Variants in NFIB observed in about 807,000 individuals in gnomAD.
NFIB encodes the protein nuclear factor I B.
A neutral mutation model predicts 61.5 loss-of-function variants in NFIB; 11 were observed. The ratio of observed to expected loss-of-function variants is 0.18; its 90% CI spans 0.11 to 0.30. The LOEUF (loss-of-function observed/expected upper bound fraction) is 0.30. NFIB is among the 10% of genes least tolerant of loss of function. The pLI is 1.00. For missense variants in NFIB, 471 were observed against 608.9 expected, an observed-to-expected ratio of 0.77 and a Z score of 2.38; for synonymous variants, 260 against 216.5, an observed-to-expected ratio of 1.20 and a Z score of -1.76.
At chr9:14,499,189 C>T in the NFIB span, among the ~76,000 whole-genome samples, 1 of 152,100 alleles carries the variant, frequency 6.6e-6, no homozygotes, top group South Asian at 2.1e-4. Flanking sequence ...TCTAGTGAGC[C>T]ATCTACATGA....
chr9:14,439,688 G>A, the NFIB span, among the ~76,000 whole-genome samples: 3 of 152,126 alleles, frequency 2.0e-5, no homozygotes, highest in Non-Finnish European at 4.4e-5. Context: ...TATGAGAAGT[G>A]GTCAGGGCCA....
Position 14,313,537 on chromosome 9 carries a change from G to T in NFIB, c.-26C>A. The stretch of plus-strand genomic sequence containing the variant: ...GACTTCGCCTTAAAACGCACTTTCC[G>T]GGAGATGCCCAAGAAAATCTTCGAG... On this transcript the variant is annotated 5_prime_UTR_variant, in exon 1 of 11. Transcript: ENST00000380953. The surrounding 1 kb of genome is among the most constrained non-coding windows in gnomAD (Gnocchi z 4.5). 6.2e-7 allele frequency: 1 copy of T among 1,613,228 alleles called. No homozygotes were observed. Among genetic ancestry groups the T allele is most frequent in the Non-Finnish European group, 8.5e-7 (1 of 1,179,646 alleles).
intron 2 of NFIB, among the ~76,000 whole-genome samples, chr9:14,245,075 G>C (rs939368085): frequency 6.6e-6 from 1 of 152,088 alleles, no homozygotes; most frequent in African/African-American, 2.4e-5. Context: ...AAAGGTTTGG[G>C]ATAACAACAG....
intron 1 of NFIB, among the ~76,000 whole-genome samples, chr9:14,364,841 G>T (rs1261675216): frequency 3.3e-5 from 5 of 152,160 alleles, no homozygotes; most frequent in Non-Finnish European, 7.4e-5. Context: ...ATCAAACTCT[G>T]CTCCACATAA....
At chr9:14,133,997 C>G (rs577296125) in intron 6 of NFIB, among the ~76,000 whole-genome samples, 1 of 152,290 alleles carries the variant, frequency 6.6e-6, no homozygotes, top group South Asian at 2.1e-4. Flanking sequence ...ACAATACCCT[C>G]TCAATTTCTC....
At chr9:14,135,608 T>C (rs1467259859) in intron 6 of NFIB, among the ~76,000 whole-genome samples, 1 of 152,250 alleles carries the variant, frequency 6.6e-6, no homozygotes, top group Non-Finnish European at 1.5e-5. Context: ...CCCACTACAG[T>C]AGTTTGATGA....
chr9:14,175,709 G>A (rs1298884612), intron 3 of NFIB, among the ~76,000 whole-genome samples: 1 of 152,088 alleles, frequency 6.6e-6, no homozygotes, highest in South Asian at 2.1e-4. Flanking sequence ...CCTACAAAAA[G>A]GAAAGTAGCA....
the NFIB span, among the ~76,000 whole-genome samples, chr9:14,479,844 A>C: frequency 6.6e-6 from 1 of 152,122 alleles, no homozygotes; most frequent in African/African-American, 2.4e-5. Context: ...AAACAAACAA[A>C]CCAACAAAAC....
At chr9:14,463,961 C>A in the NFIB span, among the ~76,000 whole-genome samples, 5 of 152,184 alleles carry the variant, frequency 3.3e-5, no homozygotes, top group African/African-American at 1.2e-4. Flanking sequence ...CGCCTGGCCT[C>A]TCCCTGCTTT....
At chr9:14,404,137 G>C in the NFIB span, among the ~76,000 whole-genome samples, 6 of 152,144 alleles carry the variant, frequency 3.9e-5, no homozygotes, top group Non-Finnish European at 8.8e-5. Flanking sequence ...CAGAAACTAG[G>C]CAGGAGACAC....
chr9:14,432,102 C>T, the NFIB span, among the ~76,000 whole-genome samples: 1 of 152,190 alleles, frequency 6.6e-6, no homozygotes, highest in Non-Finnish European at 1.5e-5. Context: ...ACATATATCT[C>T]TCCCCATGTA....
chr9:14,339,431 C>A (rs373786785), intron 1 of NFIB, among the ~76,000 whole-genome samples: 4 of 152,114 alleles, frequency 2.6e-5, no homozygotes, highest in Admixed American at 6.5e-5. Context: ...TTGATCATTT[C>A]CCAATTTCCC....
intron 2 of NFIB, among the ~76,000 whole-genome samples, chr9:14,243,962 A>G (rs149064021): frequency 7.7e-4 from 118 of 152,372 alleles, no homozygotes; most frequent in African/African-American, 2.7e-3. Context: ...ATTACCGTAT[A>G]CTGTAGTTAT....
At chr9:14,501,784 T>A in the NFIB span, among the ~76,000 whole-genome samples, 6 of 152,214 alleles carry the variant, frequency 3.9e-5, no homozygotes, top group African/African-American at 9.6e-5. Context: ...TACGCCCAGA[T>A]GACAATAGCA....
chr9:14,486,453 T>C, the NFIB span, among the ~76,000 whole-genome samples: 1 of 152,118 alleles, frequency 6.6e-6, no homozygotes, highest in South Asian at 2.1e-4. Context: ...GATTAAAAAC[T>C]GCTAAAAGGT....
intron 2 of NFIB, among the ~76,000 whole-genome samples, chr9:14,302,845 C>T (rs752454338): frequency 3.3e-5 from 5 of 152,090 alleles, no homozygotes; most frequent in Non-Finnish European, 7.3e-5. Context: ...TTCTGTGCAG[C>T]CCTTTGGGTA....
At chr9:14,478,430 G>C in the NFIB span, among the ~76,000 whole-genome samples, 2 of 152,022 alleles carry the variant, frequency 1.3e-5, no homozygotes, top group African/African-American at 4.8e-5. Context: ...TTCTGCAATA[G>C]CTGCATCTCC....
chr9:14,503,116 GTGTGTGTA>G, the NFIB span, among the ~76,000 whole-genome samples: 1 of 149,218 alleles, frequency 6.7e-6, no homozygotes, highest in South Asian at 2.1e-4. Context: ...ATGTGTGTAT[GTGTGTGTA>G]TGTGTGTGTG....
chr9:14,454,543 TTTATGTTTTCTTACC>T, the NFIB span, among the ~76,000 whole-genome samples: 1 of 152,226 alleles, frequency 6.6e-6, no homozygotes, highest in Non-Finnish European at 1.5e-5. Flanking sequence ...CCTTACCTAT[TTTATGTTTTCTTACC>T]ATTTTCTCTT....
Sources: gnomAD v4.1 joint callset for allele counts (sites outside exome capture counted in the v4.1 genomes callset) on GRCh38, gnomAD v4.1.1 for gene constraint, Gnocchi (gnomAD v3.1) non-coding constraint, MANE v1.5 for transcripts, NCBI Gene and HGNC (gene_info 2026-07-23, HGNC 2026-07-21) for gene names.